Variants in ZNF131 observed in about 807,000 individuals in gnomAD.
The protein encoded by ZNF131 is zinc finger and BTB domain containing 35.
Under a neutral mutation model 60.0 loss-of-function variants are expected in ZNF131, and 7 were observed. The observed-to-expected ratio is 0.12, with a 90% confidence interval of 0.07 to 0.22. The LOEUF (loss-of-function observed/expected upper bound fraction) is 0.22, where lower values mean the gene tolerates loss of function less well. Among genes scored for constraint, ZNF131 ranks in the 10% least tolerant of loss-of-function variants. The pLI is 1.00. For missense variants in ZNF131, 493 were observed against 740.9 expected (o/e 0.67, Z 3.88); for synonymous variants, 257 against 253.2 (o/e 1.01, Z -0.14).
intron 4 of ZNF131, chr5:43,143,439 G>C: frequency 6.3e-6 from 9 of 1,418,476 alleles, no homozygotes; most frequent in Non-Finnish European, 8.4e-6. Context: ...ACTGTTGCAA[G>C]TTTATCATCT....
At chr5:43,151,459 G>A (rs189466529) in intron 4 of ZNF131, among the ~76,000 whole-genome samples, 2,785 of 129,336 alleles carry the variant, frequency 0.022, 130 homozygotes, top group East Asian at 0.19. Context: ...TTTTTGAGAC[G>A]GAGTCTCACT....
At chr5:43,157,573 G>C (rs1749116509) in intron 4 of ZNF131, among the ~76,000 whole-genome samples, 1 of 152,118 alleles carries the variant, frequency 6.6e-6, no homozygotes. Flanking sequence ...TCTTGAACTT[G>C]CTGCCCAATA....
chr5:43,137,547 A>C (rs77937420), intron 3 of ZNF131, among the ~76,000 whole-genome samples: 2,349 of 151,942 alleles, frequency 0.015, 37 homozygotes, highest in Middle Eastern at 0.051. Flanking sequence ...ATGAGGTATC[A>C]GTCACTTCAC....
chr5:43,162,470 T>C (rs979114457), intron 5 of ZNF131, among the ~76,000 whole-genome samples: 1 of 151,270 alleles, frequency 6.6e-6, no homozygotes, highest in African/African-American at 2.4e-5. Context: ...TGGGCACTCA[T>C]AGTCCCAGCT....
rs1447227737 is a variant in ZNF131 at position 43,153,863 on chromosome 5, ATTGT to A, written c.372-7382_372-7379del. ...GTAGAGTCAGAAATCATTTTGAGTC[ATTGT>A]TTGAGAAAGCTGTCGCCATACTCAA... On this transcript the variant is annotated intron_variant, in intron 4 of 6. Coordinates refer to ENST00000682664, the MANE Select transcript of ZNF131 (RefSeq NM_001330707.2). Among the ~76,000 whole-genome samples, 4 of 152,342 alleles carry A rather than the reference ATTGT, an allele frequency of 2.6e-5. No individual in the cohort carries two copies. In the East Asian group the frequency reaches 7.7e-4, roughly 29 times the overall value.
chr5:43,174,613 C>G lies in ZNF131; in HGVS notation c.1352C>G (p.Thr451Arg), dbSNP rs559691732. ...CACAATATTTCAGAGCGTCTAGTAA[C>G]GGAAGAAGTTCTTTCAGTAGAAACA... ...DAHNISERLV[T>R]EEVLSVETRV... Residue 451 changes from threonine (T) to arginine (R), a missense_variant, in exon 7 of 7, where the codon ACG becomes AGG. Physicochemically the swap from Thr to Arg is moderately conservative, Grantham distance 71. Coordinates refer to ENST00000682664, the MANE Select transcript of ZNF131 (RefSeq NM_001330707.2). 6.2e-7 allele frequency: 1 copy of G among 1,613,892 alleles called. No homozygotes were observed. Among genetic ancestry groups the G allele is most frequent in the Non-Finnish European group, 8.5e-7 (1 of 1,179,892 alleles).
At chr5:43,163,966 T>C (rs1750060801) in intron 5 of ZNF131, among the ~76,000 whole-genome samples, 1 of 152,232 alleles carries the variant, frequency 6.6e-6, no homozygotes, top group Non-Finnish European at 1.5e-5. Context: ...CTGTCAGTAT[T>C]CGAGGACTGA....
intron 4 of ZNF131, among the ~76,000 whole-genome samples, chr5:43,146,925 A>AT (rs1747659936): frequency 6.6e-6 from 1 of 152,158 alleles, no homozygotes; most frequent in Non-Finnish European, 1.5e-5. Flanking sequence ...ATATGTATAT[A>AT]TACAGTGATA....
chr5:43,142,583 C>T (rs531607250), intron 4 of ZNF131, among the ~76,000 whole-genome samples: 2 of 152,020 alleles, frequency 1.3e-5, no homozygotes, highest in South Asian at 2.1e-4. Context: ...GGATTATAGG[C>T]GTGAGCCATG....
chr5:43,170,904 G>A (rs1750904714), intron 5 of ZNF131, among the ~76,000 whole-genome samples: 1 of 150,660 alleles, frequency 6.6e-6, no homozygotes, highest in Admixed American at 6.6e-5. Flanking sequence ...CAAAGTGCTG[G>A]GATTACAGGT....
chr5:43,126,012 T>G (rs553055794), intron 3 of ZNF131, among the ~76,000 whole-genome samples: 2 of 152,284 alleles, frequency 1.3e-5, no homozygotes, highest in South Asian at 2.1e-4. Flanking sequence ...TTTAAATAAT[T>G]AATTTGGTTC....
chr5:43,148,621 A>T, intron 4 of ZNF131, among the ~76,000 whole-genome samples: 1 of 152,266 alleles, frequency 6.6e-6, no homozygotes, highest in East Asian at 1.9e-4. Flanking sequence ...GGGTGTAGCT[A>T]TGTTTTAATA....
intron 5 of ZNF131, among the ~76,000 whole-genome samples, chr5:43,165,048 T>C (rs1579889348): frequency 6.6e-6 from 1 of 152,192 alleles, no homozygotes; most frequent in Admixed American, 6.5e-5. Flanking sequence ...CCTCCTGGGC[T>C]CAAGTGATCC....
At chr5:43,122,241 C>T (rs935996751) in intron 2 of ZNF131, 64 bp downstream of exon 2, 225 of 1,414,928 alleles carry the variant, frequency 1.6e-4, no homozygotes, top group Non-Finnish European at 2.0e-4. Context: ...CCTTCGGACA[C>T]CCGCCTTTTT....
At chr5:43,124,610 A>G (rs1744274799) in intron 3 of ZNF131, 1 of 152,212 alleles carries the variant, frequency 6.6e-6, no homozygotes, top group Non-Finnish European at 1.5e-5. Flanking sequence ...CTAACTGCCC[A>G]GATGATAGTG....
chr5:43,133,663 C>G (rs35754881), intron 3 of ZNF131, among the ~76,000 whole-genome samples: 13,585 of 152,158 alleles, frequency 0.089, 809 homozygotes, highest in East Asian at 0.19. Context: ...AGAGTTGAAC[C>G]TTGGAGAATT....
intron 4 of ZNF131, among the ~76,000 whole-genome samples, chr5:43,155,714 A>G (rs1020418259): frequency 2.0e-5 from 3 of 152,176 alleles, no homozygotes; most frequent in Non-Finnish European, 4.4e-5. Flanking sequence ...GTCCAGTAGG[A>G]TACTGGGCTT....
intron 4 of ZNF131, among the ~76,000 whole-genome samples, chr5:43,149,501 G>A (rs1748036797): frequency 1.3e-5 from 2 of 152,130 alleles, no homozygotes; most frequent in African/African-American, 2.4e-5. Context: ...GGTTATGAAC[G>A]TTTGTGTAAC....
chr5:43,158,368 C>T (rs1175373223), intron 4 of ZNF131, among the ~76,000 whole-genome samples: 1 of 152,234 alleles, frequency 6.6e-6, no homozygotes, highest in Non-Finnish European at 1.5e-5. Context: ...CGGTTCACCA[C>T]AACCTCCACC....
Sources: gnomAD v4.1 joint callset for allele counts (sites outside exome capture counted in the v4.1 genomes callset) on GRCh38, gnomAD v4.1.1 for gene constraint, MANE v1.5 for transcripts, NCBI Gene and HGNC (gene_info 2026-07-23, HGNC 2026-07-21) for gene names.